The following KCNS3 variants were observed in gnomAD, a reference collection of about 807,000 sequenced individuals.
The protein encoded by KCNS3 is potassium voltage-gated channel modifier subfamily S member 3.
KCNS3 carries 13 observed loss-of-function variants against 31.0 expected under a neutral mutation model. That is an observed-to-expected ratio of 0.42 (90% CI 0.27 to 0.67). KCNS3 has a LOEUF of 0.67. KCNS3 is among the 30% of genes least tolerant of loss of function. The pLI, the probability that KCNS3 is intolerant of heterozygous loss-of-function variation, is 0.25. For synonymous variants in KCNS3, 238 were observed against 241.5 expected (o/e 0.99, Z 0.13); for missense variants, 545 against 622.4 (o/e 0.88, Z 1.32).
At chr2:17,887,404 G>A (rs12476484) in intron 1 of KCNS3, among the ~76,000 whole-genome samples, 133,511 of 152,086 alleles carry the variant, frequency 0.88, 58,644 homozygotes, top group East Asian at 0.98. Context: ...CACTTAGAAT[G>A]ATAGTCTCCA....
chr2:17,905,998 C>T (rs1276556749), intron 1 of KCNS3, among the ~76,000 whole-genome samples: 1 of 152,176 alleles, frequency 6.6e-6, no homozygotes, highest in African/African-American at 2.4e-5. Context: ...GGAGGATTCC[C>T]TCTTTTTCTA....
intron 1 of KCNS3, among the ~76,000 whole-genome samples, chr2:17,917,301 A>G (rs1419521427): frequency 6.6e-6 from 1 of 152,238 alleles, no homozygotes; most frequent in East Asian, 1.9e-4. Flanking sequence ...GAATGCGTTC[A>G]TTTAGAAGCT....
intron 1 of KCNS3, among the ~76,000 whole-genome samples, chr2:17,907,882 T>A (rs1397293277): frequency 6.6e-6 from 1 of 152,230 alleles, no homozygotes; most frequent in Non-Finnish European, 1.5e-5. Flanking sequence ...TCTCTCTGGC[T>A]GCCCTTAACA....
rs56064218 is a variant in KCNS3 at position 17,921,915 on chromosome 2, GTATATATA to G, written c.-60+4081_-60+4088del. On this transcript the variant is annotated intron_variant, in intron 2 of 2. Coordinates refer to ENST00000304101, the MANE Select transcript of KCNS3 (RefSeq NM_002252.5). ...TTTTCATATATATGTGTGTGTGTGTGTATATATATATATATATATATATATATATATAT... is the reference window on the plus strand; with the variant it reads ...TTTTCATATATATGTGTGTGTGTGTGTATATATATATATATATATATATAT... Among the ~76,000 whole-genome samples the G allele has an allele frequency of 4.9e-3, 162 of 32,792 alleles. 1 individual carries two copies. The highest frequency in any genetic ancestry group is 7.6e-3 in the African/African-American group (62 of 8,210). The allele number at this position is 32,792 out of a possible 152,430, so 21.5% of individuals were successfully genotyped here.
chr2:17,901,264 G>T (rs1662167458), intron 1 of KCNS3, among the ~76,000 whole-genome samples: 1 of 152,176 alleles, frequency 6.6e-6, no homozygotes, highest in South Asian at 2.1e-4. Context: ...GGACAGTTAG[G>T]TGTCTGTTGT....
At chr2:17,917,229 G>A (rs982464359) in intron 1 of KCNS3, among the ~76,000 whole-genome samples, 4 of 152,166 alleles carry the variant, frequency 2.6e-5, no homozygotes, top group African/African-American at 7.2e-5. Flanking sequence ...TTTCAAATTA[G>A]AGCAGCAGTG....
chr2:17,884,363 C>T (rs1349082380), intron 1 of KCNS3, among the ~76,000 whole-genome samples: 1 of 145,936 alleles, frequency 6.9e-6, no homozygotes, highest in Non-Finnish European at 1.5e-5. Context: ...AGTTCAAGGT[C>T]TTATGGTTTA....
In KCNS3 at chr2:17,932,567, A is replaced by G; in HGVS notation, c.*83A>G. On this transcript the variant is annotated 3_prime_UTR_variant, in exon 3 of 3. Coordinates refer to ENST00000304101, the MANE Select transcript of KCNS3 (RefSeq NM_002252.5). ...TTATAAACCTCAGTGGGTTCGTTAA[A>G]ATCATTTAATTCTCAGGGTGTACCT... 1 of 1,393,414 alleles carries G rather than the reference A, an allele frequency of 7.2e-7. No individual in the cohort carries two copies. The highest frequency in any genetic ancestry group is 9.8e-7 in the Non-Finnish European group (1 of 1,024,646). 86.3% of individuals were successfully genotyped at this position (1,393,414 alleles called of 1,614,324 possible). A position where few individuals can be genotyped will look rare whatever the true frequency, so the allele number is the denominator to read the frequency against.
chr2:17,931,853 T>C lies in KCNS3; in HGVS notation c.845T>C (p.Ile282Thr), dbSNP rs1480429720. ...VDTKEEESEDIENMGKVVQIL... is the reference protein window; with the variant it reads ...VDTKEEESEDTENMGKVVQIL... Reference sequence around the variant, plus strand: ...ACCAAGGAGGAAGAGAGTGAGGATATTGAGAACATGGGCAAGGTGGTCCAG... The same window carrying C: ...ACCAAGGAGGAAGAGAGTGAGGATACTGAGAACATGGGCAAGGTGGTCCAG... Residue 282 changes from isoleucine (I) to threonine (T), a missense_variant, in exon 3 of 3, where the codon ATT becomes ACT. Ile to Thr is a moderately conservative substitution (Grantham distance 89, BLOSUM62 -1). Coordinates refer to ENST00000304101, the MANE Select transcript of KCNS3 (RefSeq NM_002252.5). The surrounding 1 kb of genome is among the most constrained non-coding windows in gnomAD (Gnocchi z 5.4). 2 of 1,614,176 alleles carry C rather than the reference T, an allele frequency of 1.2e-6. No homozygotes were observed. Among genetic ancestry groups the C allele is most frequent in the Admixed American group, 1.7e-5 (1 of 60,020 alleles).
intron 1 of KCNS3, among the ~76,000 whole-genome samples, chr2:17,905,635 A>C (rs1196449098): frequency 6.6e-6 from 1 of 152,228 alleles, no homozygotes; most frequent in Non-Finnish European, 1.5e-5. Context: ...GATACATCTC[A>C]TCAATGCCTA....
intron 2 of KCNS3, among the ~76,000 whole-genome samples, chr2:17,927,720 A>G (rs999241544): frequency 2.0e-5 from 3 of 152,228 alleles, no homozygotes; most frequent in African/African-American, 7.2e-5. Flanking sequence ...ATCACCTCCC[A>G]CCAGTTCTCT....
chr2:17,893,162 G>A (rs910216182), intron 1 of KCNS3, among the ~76,000 whole-genome samples: 1 of 152,126 alleles, frequency 6.6e-6, no homozygotes, highest in Non-Finnish European at 1.5e-5. Context: ...ACCTATGGCT[G>A]CCTCTGCTGA....
At chr2:17,884,264 AAAAAATAT>A (rs1162794227) in intron 1 of KCNS3, among the ~76,000 whole-genome samples, 35 of 48,048 alleles carry the variant, frequency 7.3e-4, no homozygotes, top group Admixed American at 1.1e-3. Context: ...ATTAAAAAAA[AAAAAATAT>A]ATATATATAT....
intron 1 of KCNS3, among the ~76,000 whole-genome samples, chr2:17,891,369 A>G (rs1014433767): frequency 6.6e-6 from 1 of 152,176 alleles, no homozygotes. Flanking sequence ...GCAGTTCTGT[A>G]TCTTTTAAGT....
chr2:17,931,918 G>T lies in KCNS3; in HGVS notation c.910G>T (p.Ala304Ser), dbSNP rs771532058. 1.2e-6 allele frequency: 2 copies of T among 1,614,026 alleles called. No homozygotes were observed. Among genetic ancestry groups the T allele is most frequent in the African/African-American group, 1.3e-5 (1 of 74,916 alleles). ...GAGGATTTTCCGAATTCTAAAGCTT[G>T]CCCGGCACTCGGTAGGACTTCGGTC... ...LMRIFRILKLARHSVGLRSLG... is the reference protein window; with the variant it reads ...LMRIFRILKLSRHSVGLRSLG... The change falls in exon 3 of 3, where the codon GCC (alanine) becomes TCC (serine). Residue 304 changes from alanine (A) to serine (S), a missense_variant. Transcript: ENST00000304101. The surrounding 1 kb of genome is among the most constrained non-coding windows in gnomAD (Gnocchi z 5.4).
intron 1 of KCNS3, among the ~76,000 whole-genome samples, chr2:17,912,519 T>C (rs1662494317): frequency 6.6e-6 from 1 of 152,208 alleles, no homozygotes. Context: ...AGTGACTGTG[T>C]TGTACTTCCT....
chr2:17,926,268 A>G (rs1397335824), intron 2 of KCNS3, among the ~76,000 whole-genome samples: 2 of 152,104 alleles, frequency 1.3e-5, no homozygotes, highest in Admixed American at 6.5e-5. Flanking sequence ...AGCTGCTTTC[A>G]TGGACTGGTG....
intron 2 of KCNS3, among the ~76,000 whole-genome samples, chr2:17,928,144 T>G (rs1320141079): frequency 6.6e-6 from 1 of 152,252 alleles, no homozygotes; most frequent in East Asian, 1.9e-4. Context: ...ATCTAATTTG[T>G]GGACATATGA....
intron 1 of KCNS3, among the ~76,000 whole-genome samples, chr2:17,909,079 G>A (rs1163899624): frequency 2.6e-5 from 4 of 152,316 alleles, no homozygotes; most frequent in African/African-American, 7.2e-5. Context: ...AGGCAGGCAG[G>A]CCTCCTTGAG....
Sources: gnomAD v4.1 joint callset for allele counts (sites outside exome capture counted in the v4.1 genomes callset) on GRCh38, gnomAD v4.1.1 for gene constraint, Gnocchi (gnomAD v3.1) non-coding constraint, MANE v1.5 for transcripts, NCBI Gene and HGNC (gene_info 2026-07-23, HGNC 2026-07-21) for gene names.